SORCS2: variants seen among roughly 807,000 people sequenced by gnomAD.
SORCS2 encodes VPS10 domain-containing receptor SorCS2.
SORCS2 carries 100 observed loss-of-function variants against 141.6 expected under a neutral mutation model. That is an observed-to-expected ratio of 0.71 (90% CI 0.60 to 0.83). The LOEUF is 0.83. Among genes scored for constraint, SORCS2 ranks in the 40% least tolerant of loss-of-function variants. The pLI is 0.00. For synonymous variants in SORCS2, 789 were observed against 676.9 expected, an observed-to-expected ratio of 1.17 and a Z score of -2.57; for missense variants, 1,646 against 1,560.2, an observed-to-expected ratio of 1.05 and a Z score of -0.93.
chr4:7,256,997 C>T lies in SORCS2; in HGVS notation c.480+63871C>T, dbSNP rs1713930265. 2.0e-5 allele frequency among the ~76,000 whole-genome samples: 3 copies of T among 152,260 alleles called. No homozygotes were observed. In the East Asian group the frequency reaches 5.8e-4, roughly 29 times the overall value. ...GGGTCATTAATTTATGGCTCCTGGG[C>T]ATTCACTGGTGATTTGAGAAGCTCA... On this transcript the variant is annotated intron_variant, in intron 1 of 26. Coordinates refer to ENST00000507866, the MANE Select transcript of SORCS2 (RefSeq NM_020777.3).
chr4:7,423,355 T>C (rs942206561), intron 2 of SORCS2, among the ~76,000 whole-genome samples: 3 of 152,252 alleles, frequency 2.0e-5, no homozygotes, highest in Non-Finnish European at 4.4e-5. Context: ...CATCCCTGGC[T>C]ATGTGGTTCA....
chr4:7,219,780 C>T (rs1461939643), intron 1 of SORCS2, among the ~76,000 whole-genome samples: 1 of 151,924 alleles, frequency 6.6e-6, no homozygotes, highest in African/African-American at 2.4e-5. Flanking sequence ...GGGGACACAG[C>T]CAAACCATAT....
chr4:7,633,041 A>C (rs1560441505), intron 3 of SORCS2, among the ~76,000 whole-genome samples: 2 of 152,172 alleles, frequency 1.3e-5, no homozygotes, highest in Non-Finnish European at 2.9e-5. Context: ...AGGTTTGTTG[A>C]GGTTGTTCAG....
chr4:7,701,103 T>A (rs879377498), intron 12 of SORCS2, among the ~76,000 whole-genome samples: 3 of 152,078 alleles, frequency 2.0e-5, no homozygotes, highest in Non-Finnish European at 4.4e-5. Context: ...GGCTTAATCC[T>A]TCTTGGCCCT....
chr4:7,700,106 G>A (rs1239712495), intron 12 of SORCS2, among the ~76,000 whole-genome samples: 2 of 152,174 alleles, frequency 1.3e-5, no homozygotes, highest in Non-Finnish European at 2.9e-5. Context: ...CTGCCCTCCT[G>A]CCCTCCAGGC....
At chr4:7,288,264 C>G (rs994042845) in intron 1 of SORCS2, among the ~76,000 whole-genome samples, 2 of 152,070 alleles carry the variant, frequency 1.3e-5, no homozygotes, top group Non-Finnish European at 2.9e-5. Flanking sequence ...CACCACACTG[C>G]GATCTGAAAT....
At chr4:7,488,937 C>G (rs915976893) in intron 2 of SORCS2, among the ~76,000 whole-genome samples, 1 of 152,244 alleles carries the variant, frequency 6.6e-6, no homozygotes, top group Non-Finnish European at 1.5e-5. Flanking sequence ...CTTGCTTGGA[C>G]TACCATAAAT....
intron 14 of SORCS2, among the ~76,000 whole-genome samples, chr4:7,707,009 A>C (rs1050610410): frequency 6.6e-6 from 1 of 152,148 alleles, no homozygotes; most frequent in African/African-American, 2.4e-5. Flanking sequence ...CTTGACAATT[A>C]AAGAAACTGA....
chr4:7,388,692 T>C (rs1375321145), intron 1 of SORCS2, among the ~76,000 whole-genome samples: 2 of 152,172 alleles, frequency 1.3e-5, no homozygotes, highest in Non-Finnish European at 2.9e-5. Context: ...CTCACCTCTT[T>C]AGCCATTTTG....
intron 2 of SORCS2, among the ~76,000 whole-genome samples, chr4:7,398,106 CACTTAT>C (rs999986604): frequency 1.3e-5 from 2 of 152,112 alleles, no homozygotes; most frequent in African/African-American, 4.8e-5. Context: ...GTGTGATCTG[CACTTAT>C]ACGACGGAGT....
chr4:7,685,393 C>G (rs1293241344), intron 10 of SORCS2, among the ~76,000 whole-genome samples: 1 of 152,134 alleles, frequency 6.6e-6, no homozygotes, highest in Non-Finnish European at 1.5e-5. Context: ...GCCTCACGGG[C>G]TGGGCACAGT....
At position 7,323,325 on chromosome 4, in the gene SORCS2, G is replaced by T. The variant is rs548488491; in HGVS notation, c.481-72963G>T. On this transcript the variant is annotated intron_variant, in intron 1 of 26. Coordinates refer to ENST00000507866, the MANE Select transcript of SORCS2 (RefSeq NM_020777.3). Reference sequence around the variant, plus strand: ...AGTAGTCCTGCGACCCAGAGATAAAGCAAGTTGGTTTCCCAGGAGAATCAT... The same window carrying T: ...AGTAGTCCTGCGACCCAGAGATAAATCAAGTTGGTTTCCCAGGAGAATCAT... 3.3e-5 allele frequency among the ~76,000 whole-genome samples: 5 copies of T among 152,228 alleles called. No individual in the cohort carries two copies. The East Asian group carries it at 9.6e-4, about 29-fold the overall frequency.
chr4:7,677,679 C>T (rs192599069), intron 9 of SORCS2, among the ~76,000 whole-genome samples: 60 of 152,334 alleles, frequency 3.9e-4, no homozygotes, highest in Non-Finnish European at 5.9e-4. Flanking sequence ...GCATTCATCC[C>T]TCCCTTGACA....
At chr4:7,591,569 T>A (rs987363534) in intron 3 of SORCS2, among the ~76,000 whole-genome samples, 3 of 152,176 alleles carry the variant, frequency 2.0e-5, no homozygotes, top group African/African-American at 7.2e-5. Flanking sequence ...TCCCGGGTGG[T>A]CACGGGGTCA....
intron 2 of SORCS2, among the ~76,000 whole-genome samples, chr4:7,498,184 G>A (rs1015117112): frequency 2.0e-5 from 3 of 152,198 alleles, no homozygotes; most frequent in African/African-American, 4.8e-5. Flanking sequence ...CCCTTAGCCA[G>A]TGAGGTTGAG....
At chr4:7,526,113 T>C (rs1252091770) in intron 2 of SORCS2, among the ~76,000 whole-genome samples, 2 of 152,252 alleles carry the variant, frequency 1.3e-5, no homozygotes. Flanking sequence ...TGATGAGCCC[T>C]GCTATGCAGG....
At chr4:7,651,660 AC>A (rs1258952023) in intron 4 of SORCS2, among the ~76,000 whole-genome samples, 1 of 152,224 alleles carries the variant, frequency 6.6e-6, no homozygotes, top group Non-Finnish European at 1.5e-5. Context: ...AGTGGGCTGG[AC>A]AGGGGAGCCG....
intron 3 of SORCS2, among the ~76,000 whole-genome samples, chr4:7,538,163 T>C (rs910801124): frequency 2.0e-5 from 3 of 152,218 alleles, no homozygotes; most frequent in African/African-American, 7.2e-5. Flanking sequence ...TGAATACTAT[T>C]AGGACTCCAT....
intron 1 of SORCS2, among the ~76,000 whole-genome samples, chr4:7,306,487 C>T (rs1361248723): frequency 6.6e-6 from 1 of 152,084 alleles, no homozygotes; most frequent in Non-Finnish European, 1.5e-5. Flanking sequence ...GCATTTTGTT[C>T]TGAGGATGGC....
Sources: allele counts gnomAD v4.1 joint callset (sites outside exome capture counted in the v4.1 genomes callset), GRCh38; gene constraint gnomAD v4.1.1; transcripts MANE v1.5; gene names NCBI Gene and HGNC (gene_info 2026-07-23, HGNC 2026-07-21).